The following MIA3 variants were observed in gnomAD, a reference collection of about 807,000 sequenced individuals.
MIA3 encodes MIA SH3 domain ER export factor 3.
Under a neutral mutation model 192.4 loss-of-function variants are expected in MIA3, and 90 were observed. The ratio of observed to expected loss-of-function variants is 0.47; its 90% CI spans 0.39 to 0.56. The LOEUF is 0.56. MIA3 is among the 20% of genes least tolerant of loss of function. MIA3 has a pLI of 0.00. For missense variants in MIA3, 2,123 were observed against 2,269.4 expected (o/e 0.94, Z 1.31); for synonymous variants, 740 against 792.8 (o/e 0.93, Z 1.12).
intron 9 of MIA3, 106 bp from the exon 10 acceptor site, chr1:222,650,527 TA>T: frequency 1.1e-6 from 1 of 892,636 alleles, no homozygotes; most frequent in South Asian, 1.6e-5. Context: ...TAAGCAGTCA[TA>T]TGTGTAAAGT....
intron 18 of MIA3, among the ~76,000 whole-genome samples, chr1:222,657,190 G>A (rs1663777780): frequency 6.6e-6 from 1 of 152,162 alleles, no homozygotes; most frequent in East Asian, 1.9e-4. Context: ...ATTCCAGTTA[G>A]CAATTAAAAT....
chr1:222,648,499 A>G (rs1230478020), intron 7 of MIA3, among the ~76,000 whole-genome samples: 1 of 152,170 alleles, frequency 6.6e-6, no homozygotes, highest in Non-Finnish European at 1.5e-5. Context: ...TAATATATTT[A>G]TTACAAAAAT....
intron 26 of MIA3, chr1:222,662,614 T>C: frequency 1.6e-6 from 1 of 641,592 alleles, no homozygotes; most frequent in Non-Finnish European, 2.2e-6. Context: ...TTGGGAGTGT[T>C]GCTGAAATCT....
Position 222,628,076 on chromosome 1 carries a change from C to T in MIA3, c.856C>T (p.Leu286Phe). ...CAAATTTGGCTCAACAGCTGATGCA[C>T]TTGTATCTGATGATGAGACAACCAG... ...KTKFGSTADA[L>F]VSDDETTRLV... The change falls in exon 4 of 28, where the codon CTT (leucine) becomes TTT (phenylalanine). Residue 286 changes from leucine to phenylalanine, a missense_variant. Leu to Phe is a conservative substitution (Grantham distance 22). Transcript: ENST00000344922. The T allele has an allele frequency of 1.9e-6, 3 of 1,614,060 alleles. No individual in the cohort carries two copies. Among genetic ancestry groups the T allele is most frequent in the Non-Finnish European group, 2.5e-6 (3 of 1,180,022 alleles).
chr1:222,630,056 C>G lies in MIA3; in HGVS notation c.2836C>G (p.His946Asp), dbSNP rs146917820. The change falls in exon 4 of 28, where the codon CAT becomes GAT. Residue 946 changes from histidine (H) to aspartate (D), a missense_variant. Transcript: ENST00000344922. Reference sequence around the variant, plus strand: ...GCGGTTCCAGAAGTACTTTAATGTCCATGAGCTGGAAGCCTTGCTACAAGA... The same window carrying G: ...GCGGTTCCAGAAGTACTTTAATGTCGATGAGCTGGAAGCCTTGCTACAAGA... ...LQRFQKYFNVHELEALLQEMS... is the reference protein window; with the variant it reads ...LQRFQKYFNVDELEALLQEMS... The G allele has an allele frequency of 2.5e-6, 4 of 1,614,016 alleles. No homozygotes were observed. Among genetic ancestry groups the G allele is most frequent in the Non-Finnish European group, 3.4e-6 (4 of 1,180,028 alleles).
chr1:222,662,369 GA>G (rs1664061354), intron 26 of MIA3, 37 bp downstream of exon 26: 1 of 1,596,900 alleles, frequency 6.3e-7, no homozygotes, highest in African/African-American at 1.3e-5. Flanking sequence ...GTTATTTCAG[GA>G]ACATTTAGCT....
At chr1:222,641,628 T>C (rs1662856597) in intron 6 of MIA3, 1 of 531,144 alleles carries the variant, frequency 1.9e-6, no homozygotes, top group Admixed American at 1.9e-5. Context: ...TGAGCACATG[T>C]TCCACATCAT....
At position 222,630,115 on chromosome 1, in the gene MIA3, G is replaced by T; in HGVS notation, c.2895G>T (p.Glu965Asp). The change falls in exon 4 of 28, where the codon GAG becomes GAT. Residue 965 changes from glutamate to aspartate, a missense_variant. Coordinates refer to ENST00000344922, the MANE Select transcript of MIA3 (RefSeq NM_198551.4). ...MSSKLKSAQQ[E>D]SLPYNMEKVL... ...CAAAACTGAAGTCAGCGCAGCAGGA[G>T]AGCCTGCCCTATAATATGGAAAAAG... is the stretch of plus-strand genomic sequence containing the variant. The T allele has an allele frequency of 6.2e-7, 1 of 1,614,254 alleles. No homozygotes were observed. The highest frequency in any genetic ancestry group is 8.5e-7 in the Non-Finnish European group (1 of 1,180,044).
In MIA3 at chr1:222,621,267, G is replaced by A. The variant is rs1661842414; in HGVS notation, c.242G>A (p.Gly81Glu). 2 of 1,608,458 alleles carry A rather than the reference G, an allele frequency of 1.2e-6. No homozygotes were observed. The highest frequency in any genetic ancestry group is 1.7e-6 in the Non-Finnish European group (2 of 1,178,630). ...PVYVYYKLAR[G>E]WPEVWAGSVG... is the part of the protein sequence containing the mutation. Reference sequence around the variant, plus strand: ...TATGTTTACTATAAACTGGCAAGAGGATGGCCTGAAGTTTGGGCTGGAAGT... The same window carrying A: ...TATGTTTACTATAAACTGGCAAGAGAATGGCCTGAAGTTTGGGCTGGAAGT... The change falls in exon 2 of 28, where the codon GGA becomes GAA. Residue 81 changes from glycine (G) to glutamate (E), a missense_variant. Coordinates refer to ENST00000344922, the MANE Select transcript of MIA3 (RefSeq NM_198551.4).
At chr1:222,619,720 A>C (rs749719213) in intron 1 of MIA3, among the ~76,000 whole-genome samples, 1 of 152,246 alleles carries the variant, frequency 6.6e-6, no homozygotes, top group Non-Finnish European at 1.5e-5. Context: ...ATGCTTCTTC[A>C]GTACTGAGGC....
At chr1:222,619,385 A>G (rs1021111066) in intron 1 of MIA3, among the ~76,000 whole-genome samples, 1 of 152,212 alleles carries the variant, frequency 6.6e-6, no homozygotes, top group African/African-American at 2.4e-5. Flanking sequence ...CAAGAACTCT[A>G]TGGTTTAGCT....
chr1:222,628,654 G>A lies in MIA3; in HGVS notation c.1434G>A (p.Leu478=). Residue 478 remains leucine, a synonymous_variant, in exon 4 of 28, where the codon CTG becomes CTA. Coordinates refer to ENST00000344922, the MANE Select transcript of MIA3 (RefSeq NM_198551.4). ...GRGVQESKRG[L]VQDKTELEDE... ...GAGTTCAGGAATCCAAGAGGGGCCT[G>A]GTACAAGATAAGACAGAATTAGAGG... The A allele has an allele frequency of 6.2e-7, 1 of 1,613,954 alleles. No individual in the cohort carries two copies. The highest frequency in any genetic ancestry group is 1.1e-5 in the South Asian group (1 of 91,064).
At chr1:222,640,486 G>A (rs1322992486) in intron 6 of MIA3, among the ~76,000 whole-genome samples, 1 of 152,120 alleles carries the variant, frequency 6.6e-6, no homozygotes, top group African/African-American at 2.4e-5. Flanking sequence ...GTGGACTTCT[G>A]ACAAAGGTGG....
intron 6 of MIA3, chr1:222,644,251 TC>T (rs1488098937): frequency 7.4e-7 from 1 of 1,354,246 alleles, no homozygotes; most frequent in Non-Finnish European, 9.5e-7. Flanking sequence ...GGCCCCGCCC[TC>T]GCCGGCCGGC....
intron 27 of MIA3, 52 bp from the exon 28 acceptor site, chr1:222,665,257 T>G: frequency 7.6e-7 from 1 of 1,312,060 alleles, no homozygotes; most frequent in Non-Finnish European, 1.1e-6. Flanking sequence ...TGGCATTATC[T>G]TAATTTAAAT....
At chr1:222,656,485 G>A (rs1347440963) in intron 18 of MIA3, among the ~76,000 whole-genome samples, 1 of 151,210 alleles carries the variant, frequency 6.6e-6, no homozygotes, top group Non-Finnish European at 1.5e-5. Context: ...TTTTTCAAAT[G>A]TTTTATGCCT....
Position 222,653,314 on chromosome 1 carries a change from T to A in MIA3, c.4296T>A (p.Asp1432Glu), listed in dbSNP as rs199885504. 538 of 1,613,740 alleles carry A rather than the reference T, an allele frequency of 3.3e-4. 1 individual carries two copies. Among genetic ancestry groups the A allele is most frequent in the South Asian group, 2.3e-3 (206 of 91,040 alleles). The stretch of plus-strand genomic sequence containing the variant: ...AAAATAAAGGTGGAAATGATTCAGA[T>A]GAATTAGCAAATGGAGAAGTGGGAG... ...EGQNKGGNDS[D>E]ELANGEVGGD... is the part of the protein sequence containing the mutation. Residue 1432 changes from aspartate (D) to glutamate (E), a missense_variant, in exon 15 of 28, where the codon GAT becomes GAA. Coordinates refer to ENST00000344922, the MANE Select transcript of MIA3 (RefSeq NM_198551.4).
chr1:222,633,266 T>A lies in MIA3; in HGVS notation c.3477+17T>A. The A allele has an allele frequency of 6.4e-7, 1 of 1,564,900 alleles. No homozygotes were observed. Among genetic ancestry groups the A allele is most frequent in the Non-Finnish European group, 8.7e-7 (1 of 1,151,560 alleles). ...ACTAAGTCGGTAAGTTTAACATAGTTTTTTTTTAACTAAAATGTTGATTAT... is the reference window on the plus strand; with the variant it reads ...ACTAAGTCGGTAAGTTTAACATAGTATTTTTTTAACTAAAATGTTGATTAT... On this transcript the variant is annotated intron_variant, in intron 6 of 27. Transcript: ENST00000344922.
At position 222,645,484 on chromosome 1, in the gene MIA3, C is replaced by T. The variant is rs980844597; in HGVS notation, c.3478-70C>T. 285 of 1,424,646 alleles carry T rather than the reference C, an allele frequency of 2.0e-4. 1 individual carries two copies. Among genetic ancestry groups the T allele is most frequent in the Middle Eastern group, 1.8e-4 (1 of 5,612 alleles). 88.3% of individuals were successfully genotyped at this position (1,424,646 alleles called of 1,614,324 possible). A position where few individuals can be genotyped will look rare whatever the true frequency, so the allele number is the denominator to read the frequency against. On this transcript the variant is annotated intron_variant, in intron 6 of 27. Coordinates refer to ENST00000344922, the MANE Select transcript of MIA3 (RefSeq NM_198551.4). ...TGGTTTAGAATTTCTGTGAATGAGTCTTTGTGACTGCTTTATGGTAAGCTT... is the reference window on the plus strand; with the variant it reads ...TGGTTTAGAATTTCTGTGAATGAGTTTTTGTGACTGCTTTATGGTAAGCTT...
Sources: gnomAD v4.1 joint callset for allele counts (sites outside exome capture counted in the v4.1 genomes callset) on GRCh38, gnomAD v4.1.1 for gene constraint, MANE v1.5 for transcripts, NCBI Gene and HGNC (gene_info 2026-07-23, HGNC 2026-07-21) for gene names.